SKP2: variants seen among roughly 807,000 people sequenced by gnomAD.
The protein encoded by SKP2 is S-phase kinase-associated protein 2.
SKP2 carries 16 observed loss-of-function variants against 51.8 expected under a neutral mutation model. The observed-to-expected ratio is 0.31, with a 90% CI of 0.21 to 0.47. The LOEUF (loss-of-function observed/expected upper bound fraction) is 0.47, where lower values mean the gene tolerates loss of function less well. Ranked by LOEUF, SKP2 falls within the 20% of genes least tolerant of loss-of-function variation. The pLI, the probability that SKP2 is intolerant of heterozygous loss-of-function variation, is 1.00. For synonymous variants in SKP2, 176 were observed against 198.6 expected (o/e 0.89, Z 0.96); for missense variants, 377 against 505.3 (o/e 0.75, Z 2.43).
intron 3 of SKP2, 63 bp downstream of exon 3, chr5:36,163,819 C>T (rs945561206): frequency 4.4e-6 from 5 of 1,133,562 alleles, no homozygotes; most frequent in Middle Eastern, 1.9e-4. Context: ...GTTATTTATT[C>T]GTTTTGGTCT....
At chr5:36,181,754 A>T in intron 9 of SKP2, 64 bp from the exon 10 acceptor site, 1 of 1,575,512 alleles carries the variant, frequency 6.3e-7, no homozygotes, top group African/African-American at 1.4e-5. Context: ...TTTGGGTCAT[A>T]TAACTCTAGT....
Position 36,177,183 on chromosome 5 carries a change from A to G in SKP2, c.954-2A>G. On this transcript the variant is annotated splice_acceptor_variant, in intron 8 of 9. Transcript: ENST00000274255. LOFTEE classifies it high-confidence loss of function. ...ATATCTTTTCTTCTGCCTTCTTAAC[A>G]GTGATAGTGTCATGCTAAAGAATGA... The G allele has an allele frequency of 6.3e-7, 1 of 1,584,378 alleles. No individual in the cohort carries two copies. The highest frequency in any genetic ancestry group is 2.2e-5 in the East Asian group (1 of 44,690).
chr5:36,189,795 T>G (rs1745988961), intron 6 of SKP2, among the ~76,000 whole-genome samples: 1 of 152,200 alleles, frequency 6.6e-6, no homozygotes, highest in Non-Finnish European at 1.5e-5. Flanking sequence ...TGCCTTTTGT[T>G]TGGCTATGCC....
chr5:36,186,154 T>G (rs1745953634), downstream of SKP2, among the ~76,000 whole-genome samples: 1 of 152,250 alleles, frequency 6.6e-6, no homozygotes, highest in African/African-American at 2.4e-5. Flanking sequence ...AGATTTTGGC[T>G]GAGACGATGG....
downstream of SKP2, among the ~76,000 whole-genome samples, chr5:36,185,798 T>C (rs1745949038): frequency 6.6e-6 from 1 of 152,182 alleles, no homozygotes; most frequent in South Asian, 2.1e-4. Flanking sequence ...AAAAAGTCAT[T>C]GGTAGCTTGA....
chr5:36,180,730 A>G (rs1228183450), intron 9 of SKP2, among the ~76,000 whole-genome samples: 2 of 152,214 alleles, frequency 1.3e-5, no homozygotes, highest in African/African-American at 4.8e-5. Context: ...GGAAATTGGT[A>G]TATAGAATAG....
At chr5:36,154,552 C>T (rs1244295900) in intron 2 of SKP2, among the ~76,000 whole-genome samples, 1 of 152,118 alleles carries the variant, frequency 6.6e-6, no homozygotes, top group East Asian at 1.9e-4. Context: ...TTCATATTTT[C>T]AAGACGGAGT....
intron 2 of SKP2, among the ~76,000 whole-genome samples, chr5:36,158,747 A>G (rs1307886901): frequency 6.6e-6 from 1 of 152,242 alleles, no homozygotes; most frequent in South Asian, 2.1e-4. Context: ...ATTTGAAATC[A>G]GACCTGAGTT....
intron 3 of SKP2, among the ~76,000 whole-genome samples, chr5:36,165,927 C>G (rs1745271163): frequency 6.6e-6 from 1 of 152,130 alleles, no homozygotes; most frequent in Admixed American, 6.5e-5. Context: ...CACATTAGTT[C>G]ATACACACAC....
intron 3 of SKP2, 106 bp downstream of exon 3, chr5:36,163,862 C>T (rs895938400): frequency 1.7e-5 from 12 of 706,254 alleles, no homozygotes; most frequent in Admixed American, 1.0e-4. Flanking sequence ...AATAGAGCAG[C>T]GCAAAGCAAA....
intron 7 of SKP2, chr5:36,193,061 T>TTTTA (rs1746075987): frequency 6.6e-6 from 1 of 152,212 alleles, no homozygotes; most frequent in Non-Finnish European, 1.5e-5. Context: ...TTTTAAAACC[T>TTTTA]TTTAAAATAT....
intron 7 of SKP2, among the ~76,000 whole-genome samples, chr5:36,175,918 A>G (rs1028285347): frequency 4.6e-5 from 7 of 152,030 alleles, no homozygotes; most frequent in African/African-American, 1.2e-4. Flanking sequence ...TACTGGGCCA[A>G]AAGTAAACTG....
In SKP2 at chr5:36,167,648, T is replaced by G. The variant is rs143541353; in HGVS notation, c.537-665T>G. On this transcript the variant is annotated intron_variant, in intron 4 of 9. Coordinates refer to ENST00000274255, the MANE Select transcript of SKP2 (RefSeq NM_005983.4). ...ATTGTTTTTGTTTTTTGAGACGGAGTCTTGCTGTGTCACCCAGGCTGGAGT... is the reference window on the plus strand; with the variant it reads ...ATTGTTTTTGTTTTTTGAGACGGAGGCTTGCTGTGTCACCCAGGCTGGAGT... Among the ~76,000 whole-genome samples the G allele has an allele frequency of 5.1e-4, 78 of 151,956 alleles. 1 individual carries two copies. Among genetic ancestry groups the G allele is most frequent in the Non-Finnish European group, 5.3e-4 (36 of 67,958 alleles).
At position 36,164,419 on chromosome 5, in the gene SKP2, C is replaced by T. The variant is rs777542723; in HGVS notation, c.392+663C>T. On this transcript the variant is annotated intron_variant, in intron 3 of 9. Coordinates refer to ENST00000274255, the MANE Select transcript of SKP2 (RefSeq NM_005983.4). ...GGAAAGACTTGGTGAGCTGGAAAGG[C>T]AATAACAGGCCTGGAGCAAGAAAAA... Among the ~76,000 whole-genome samples, 8 of 152,282 alleles carry T rather than the reference C, an allele frequency of 5.3e-5. No individual in the cohort carries two copies. The South Asian group carries it at 1.2e-3, about 24-fold the overall frequency.
intron 7 of SKP2, among the ~76,000 whole-genome samples, chr5:36,175,195 C>T (rs1270879504): frequency 1.3e-5 from 2 of 151,932 alleles, no homozygotes; most frequent in African/African-American, 4.8e-5. Flanking sequence ...ACACAATGAA[C>T]GTGGGATGTG....
chr5:36,180,498 G>A (rs1745771598), intron 9 of SKP2, among the ~76,000 whole-genome samples: 1 of 152,072 alleles, frequency 6.6e-6, no homozygotes, highest in Non-Finnish European at 1.5e-5. Context: ...CCTTCATCTT[G>A]TACTCAGCTA....
chr5:36,181,232 C>T (rs1745801060), intron 9 of SKP2, among the ~76,000 whole-genome samples: 4 of 152,108 alleles, frequency 2.6e-5, no homozygotes, highest in Admixed American at 1.3e-4. Context: ...TCTACCTGTA[C>T]CCAACTGTAT....
chr5:36,175,896 T>A (rs904655439), intron 7 of SKP2, among the ~76,000 whole-genome samples: 2 of 151,922 alleles, frequency 1.3e-5, no homozygotes, highest in Non-Finnish European at 2.9e-5. Flanking sequence ...TATATTTTTC[T>A]AAAAGTGGAA....
chr5:36,175,872 T>G (rs1415427071), intron 7 of SKP2, among the ~76,000 whole-genome samples: 1 of 151,998 alleles, frequency 6.6e-6, no homozygotes, highest in Non-Finnish European at 1.5e-5. Flanking sequence ...ACATTGAATA[T>G]ATTCATACAC....
Sources: allele counts gnomAD v4.1 joint callset (sites outside exome capture counted in the v4.1 genomes callset), GRCh38; gene constraint gnomAD v4.1.1; transcripts MANE v1.5; gene names NCBI Gene and HGNC (gene_info 2026-07-23, HGNC 2026-07-21).